POLN: variants seen among roughly 807,000 people sequenced by gnomAD.
POLN encodes the protein DNA polymerase N.
POLN carries 108 observed loss-of-function variants against 113.5 expected under a neutral mutation model. That is an observed-to-expected ratio of 0.95 (90% CI 0.81 to 1.12). The LOEUF (loss-of-function observed/expected upper bound fraction) is 1.12, where lower values mean the gene tolerates loss of function less well. Ranked by LOEUF, POLN falls within the 50% of genes most tolerant of loss-of-function variation. The probability of loss-of-function intolerance (pLI) is 0.00; values close to 1 mark genes in which losing one functional copy is unlikely to be tolerated. For synonymous variants in POLN, 386 were observed against 391.5 expected (o/e 0.99, Z 0.17); for missense variants, 1,097 against 1,077.1 (o/e 1.02, Z -0.26).
chr4:2,142,375 G>A (rs969167732), intron 16 of POLN, among the ~76,000 whole-genome samples: 3 of 152,218 alleles, frequency 2.0e-5, no homozygotes, highest in Admixed American at 2.0e-4. Flanking sequence ...GCACTGGAGG[G>A]TTTCTCAAAA....
intron 2 of POLN, among the ~76,000 whole-genome samples, chr4:2,234,859 G>GA (rs977855980): frequency 9.9e-5 from 15 of 152,088 alleles, no homozygotes; most frequent in South Asian, 8.3e-4. Context: ...AATACATAGA[G>GA]AAAAAAATGA....
chr4:2,202,215 A>G (rs1733735235), intron 5 of POLN, among the ~76,000 whole-genome samples: 1 of 152,238 alleles, frequency 6.6e-6, no homozygotes, highest in Non-Finnish European at 1.5e-5. Context: ...TTGAATGTAA[A>G]TGGCCTAAAT....
intron 4 of POLN, among the ~76,000 whole-genome samples, chr4:2,210,298 G>T (rs1733958347): frequency 1.3e-5 from 2 of 151,810 alleles, no homozygotes; most frequent in African/African-American, 4.8e-5. Flanking sequence ...ATGATTGTGG[G>T]CTGGGCACAG....
chr4:2,101,026 GGACGT>G (rs1190236321), intron 19 of POLN, among the ~76,000 whole-genome samples: 1 of 152,194 alleles, frequency 6.6e-6, no homozygotes, highest in Non-Finnish European at 1.5e-5. Flanking sequence ...GTGAAACACT[GGACGT>G]GGCCCCATGC....
intron 13 of POLN, among the ~76,000 whole-genome samples, chr4:2,164,680 G>A (rs548509436): frequency 8.0e-5 from 12 of 149,084 alleles, no homozygotes; most frequent in African/African-American, 3.0e-4. Flanking sequence ...GTACACACCT[G>A]TAGTCCCAAC....
chr4:2,098,763 G>A (rs1251749815), intron 19 of POLN, among the ~76,000 whole-genome samples: 2 of 152,252 alleles, frequency 1.3e-5, no homozygotes, highest in Non-Finnish European at 2.9e-5. Flanking sequence ...CCAGAACTTG[G>A]CCTTTAATAG....
chr4:2,198,523 C>A lies in POLN; in HGVS notation c.908+1G>T, dbSNP rs1266417649. 1.2e-6 allele frequency: 2 copies of A among 1,604,388 alleles called. No homozygotes were observed. Among genetic ancestry groups the A allele is most frequent in the East Asian group, 4.5e-5 (2 of 44,528 alleles). Reference sequence around the variant, plus strand: ...TGAGCCCATGTGTGAAGATTTCTTACCGGGCAAATTGTTGATGTGCCTCCT... The same window carrying A: ...TGAGCCCATGTGTGAAGATTTCTTAACGGGCAAATTGTTGATGTGCCTCCT... On this transcript the variant is annotated splice_donor_variant, in intron 6 of 25. Coordinates refer to ENST00000511885, the MANE Select transcript of POLN (RefSeq NM_181808.4). LOFTEE classifies it high-confidence loss of function.
intron 2 of POLN, chr4:2,231,032 A>G (rs1214428534): frequency 2.6e-5 from 4 of 152,240 alleles, no homozygotes; most frequent in African/African-American, 9.6e-5. Flanking sequence ...AAGTCACATT[A>G]AAGTCAAAGC....
chr4:2,233,338 A>T (rs1734649217), intron 2 of POLN, among the ~76,000 whole-genome samples: 1 of 152,218 alleles, frequency 6.6e-6, no homozygotes, highest in Admixed American at 6.5e-5. Context: ...GTTAAAATTG[A>T]TACGGCATTT....
At chr4:2,114,162 G>A (rs1464901180) in intron 19 of POLN, among the ~76,000 whole-genome samples, 1 of 151,942 alleles carries the variant, frequency 6.6e-6, no homozygotes, top group Non-Finnish European at 1.5e-5. Context: ...GCCTCTGAAA[G>A]TGCTGGGATT....
rs1329775089 is a variant in POLN, at chr4:2,198,618, C to T, written c.814G>A (p.Glu272Lys). The change falls in exon 6 of 26, where the codon GAG (glutamate) becomes AAG (lysine). Residue 272 changes from glutamate to lysine, a missense_variant. Physicochemically the swap from Glu to Lys is moderately conservative, Grantham distance 56. Coordinates refer to ENST00000511885, the MANE Select transcript of POLN (RefSeq NM_181808.4). ...PDAPACGPVLEGFVSDDPCIY... is the reference protein window; with the variant it reads ...PDAPACGPVLKGFVSDDPCIY... ...CATGGATCATCTGACACAAAGCCCT[C>T]CAGAACAGGACCACAGGCCGGGGCA... 6.2e-7 allele frequency: 1 copy of T among 1,613,856 alleles called. No homozygotes were observed. Among genetic ancestry groups the T allele is most frequent in the African/African-American group, 1.3e-5 (1 of 74,874 alleles).
At chr4:2,104,193 C>T (rs1456442276) in intron 19 of POLN, among the ~76,000 whole-genome samples, 1 of 152,090 alleles carries the variant, frequency 6.6e-6, no homozygotes, top group Non-Finnish European at 1.5e-5. Flanking sequence ...GGAACAAAAC[C>T]TCACATATCA....
intron 16 of POLN, among the ~76,000 whole-genome samples, chr4:2,135,095 T>A (rs528815721): frequency 6.6e-6 from 1 of 152,316 alleles, no homozygotes; most frequent in African/African-American, 2.4e-5. Flanking sequence ...TTGTCTGTCA[T>A]GACGTGTGTA....
chr4:2,232,314 G>T (rs763859128), intron 2 of POLN, among the ~76,000 whole-genome samples: 10 of 152,050 alleles, frequency 6.6e-5, no homozygotes, highest in Admixed American at 1.3e-4. Context: ...TCCATAACAG[G>T]TTTAATATAA....
intron 7 of POLN, among the ~76,000 whole-genome samples, chr4:2,180,065 G>A (rs1733097106): frequency 6.6e-6 from 1 of 152,198 alleles, no homozygotes; most frequent in Non-Finnish European, 1.5e-5. Flanking sequence ...CTAATGTGTG[G>A]CGCTTTGGTA....
chr4:2,174,532 C>T (rs1486218701), intron 10 of POLN, among the ~76,000 whole-genome samples, 159 bp downstream of exon 10: 5 of 152,198 alleles, frequency 3.3e-5, no homozygotes, highest in Admixed American at 6.5e-5. Flanking sequence ...TGCAGTCCAA[C>T]CCCTCACTAC....
intron 21 of POLN, among the ~76,000 whole-genome samples, chr4:2,084,367 G>C (rs1379562384): frequency 1.3e-5 from 2 of 152,186 alleles, no homozygotes; most frequent in East Asian, 3.9e-4. Context: ...GATGGAGGCT[G>C]GCACAGCTCC....
intron 3 of POLN, among the ~76,000 whole-genome samples, chr4:2,222,584 G>C (rs753188598): frequency 7.9e-5 from 12 of 152,126 alleles, no homozygotes; most frequent in South Asian, 2.1e-4. Flanking sequence ...AGTTTCTCTG[G>C]AGCAATCAGG....
intron 2 of POLN, among the ~76,000 whole-genome samples, chr4:2,239,297 ACTT>A (rs1281645585): frequency 2.6e-5 from 4 of 152,180 alleles, no homozygotes; most frequent in Non-Finnish European, 5.9e-5. Context: ...ATCTTATTAT[ACTT>A]CTTTTAATCA....
Sources: gnomAD v4.1 joint callset for allele counts (sites outside exome capture counted in the v4.1 genomes callset) on GRCh38, gnomAD v4.1.1 for gene constraint, MANE v1.5 for transcripts, NCBI Gene and HGNC (gene_info 2026-07-23, HGNC 2026-07-21) for gene names.